CNOT6L: variants seen among roughly 807,000 people sequenced by gnomAD.
The protein encoded by CNOT6L is CCR4-NOT transcription complex subunit 6 like.
CNOT6L carries 7 observed loss-of-function variants against 64.0 expected under a neutral mutation model. That is an observed-to-expected ratio of 0.11 (90% CI 0.06 to 0.21). The LOEUF is 0.21. CNOT6L is among the 10% of genes least tolerant of loss of function. The pLI, the probability that CNOT6L is intolerant of heterozygous loss-of-function variation, is 1.00. For missense variants in CNOT6L, 245 were observed against 669.0 expected (o/e 0.37, Z 6.99); for synonymous variants, 193 against 243.4 (o/e 0.79, Z 1.93).
chr4:77,788,293 C>A (rs955709428), intron 1 of CNOT6L, among the ~76,000 whole-genome samples: 6 of 152,086 alleles, frequency 3.9e-5, no homozygotes, highest in African/African-American at 1.4e-4. Flanking sequence ...AAAATTCAAA[C>A]CTCCTGTACA....
chr4:77,801,023 T>C (rs575154116), intron 1 of CNOT6L, among the ~76,000 whole-genome samples: 1 of 152,318 alleles, frequency 6.6e-6, no homozygotes, highest in South Asian at 2.1e-4. Flanking sequence ...GGTGGTGCTT[T>C]GTATTGAGCA....
chr4:77,726,094 A>G, intron 11 of CNOT6L, 73 bp downstream of exon 11: 2 of 1,315,562 alleles, frequency 1.5e-6, no homozygotes, highest in South Asian at 2.4e-5. Flanking sequence ...TTAATCATAA[A>G]GAATTTACAC....
At chr4:77,787,977 A>C (rs1226846947) in intron 1 of CNOT6L, among the ~76,000 whole-genome samples, 1 of 152,222 alleles carries the variant, frequency 6.6e-6, no homozygotes, top group Non-Finnish European at 1.5e-5. Flanking sequence ...TTGTCTTTAA[A>C]GTTTGAAAAC....
In CNOT6L at chr4:77,715,545, A is replaced by G. The variant is rs1720653881; in HGVS notation, c.*4886T>C. The G allele has an allele frequency of 6.6e-6, 1 of 152,162 alleles. No homozygotes were observed. Among genetic ancestry groups the G allele is most frequent in the Non-Finnish European group, 1.5e-5 (1 of 68,010 alleles). 9.4% of individuals were successfully genotyped at this position (152,162 alleles called of 1,614,324 possible). ...AAATGTATGCCACAAGGAACTGCCA[A>G]CTGGGTTAAAGCTTGGTATTTTCCT... On this transcript the variant is annotated 3_prime_UTR_variant, in exon 12 of 12. Transcript: ENST00000504123.
At chr4:77,741,368 G>A (rs1017297745) in intron 8 of CNOT6L, among the ~76,000 whole-genome samples, 4 of 152,082 alleles carry the variant, frequency 2.6e-5, no homozygotes, top group Non-Finnish European at 4.4e-5. Context: ...GGAAATACTG[G>A]AAAACAGCTG....
intron 6 of CNOT6L, among the ~76,000 whole-genome samples, chr4:77,745,210 C>T (rs1724056473): frequency 6.6e-6 from 1 of 152,112 alleles, no homozygotes; most frequent in Admixed American, 6.5e-5. Context: ...CAAAAGTAAA[C>T]TGTAGTTGCA....
chr4:77,747,189 G>T (rs1359871928), intron 6 of CNOT6L, among the ~76,000 whole-genome samples: 6 of 151,932 alleles, frequency 3.9e-5, no homozygotes, highest in Non-Finnish European at 7.4e-5. Context: ...TTGAGACAGG[G>T]TCTTGCTCTG....
At chr4:77,744,629 A>C (rs1398472134) in intron 7 of CNOT6L, 89 bp downstream of exon 7, 14 of 1,155,058 alleles carry the variant, frequency 1.2e-5, no homozygotes, top group Non-Finnish European at 1.6e-5. Flanking sequence ...CTTTGGCTCT[A>C]AACACAGGAT....
intron 8 of CNOT6L, among the ~76,000 whole-genome samples, chr4:77,735,235 G>A (rs562635594): frequency 4.6e-5 from 7 of 152,122 alleles, no homozygotes; most frequent in Non-Finnish European, 7.4e-5. Flanking sequence ...ACTTTTCTCC[G>A]TATGTCCAAT....
upstream of CNOT6L, among the ~76,000 whole-genome samples, chr4:77,820,167 G>A (rs1427094358): frequency 1.3e-5 from 2 of 152,096 alleles, no homozygotes; most frequent in East Asian, 3.9e-4. Context: ...CCCGAGGGCC[G>A]GGGGAGAGGC....
intron 1 of CNOT6L, among the ~76,000 whole-genome samples, chr4:77,814,053 T>G (rs1733283986): frequency 6.6e-6 from 1 of 152,178 alleles, no homozygotes; most frequent in Non-Finnish European, 1.5e-5. Flanking sequence ...TATTCAGCCA[T>G]TACAAGAATG....
chr4:77,801,301 T>C (rs1560434666), intron 1 of CNOT6L, among the ~76,000 whole-genome samples: 2 of 152,182 alleles, frequency 1.3e-5, no homozygotes, highest in Non-Finnish European at 2.9e-5. Context: ...ATAGATACTC[T>C]GCAAAAGCAA....
intron 1 of CNOT6L, among the ~76,000 whole-genome samples, chr4:77,798,243 G>A (rs1299320039): frequency 1.3e-5 from 2 of 152,110 alleles, no homozygotes; most frequent in African/African-American, 2.4e-5. Context: ...TGAGCCCAGA[G>A]GCTGCAGTGA....
Position 77,718,153 on chromosome 4 carries a change from A to C in CNOT6L, c.*2278T>G, listed in dbSNP as rs187438007. Reference sequence around the variant, plus strand: ...GAACTTTAAATTCCATTTTATACAAACATCTCAAAAAATATTGGGAGTGAA... The same window carrying C: ...GAACTTTAAATTCCATTTTATACAACCATCTCAAAAAATATTGGGAGTGAA... On this transcript the variant is annotated 3_prime_UTR_variant, in exon 12 of 12. Transcript: ENST00000504123. 1 of 152,620 alleles carries C rather than the reference A, an allele frequency of 6.6e-6. No homozygotes were observed. The highest frequency in any genetic ancestry group is 6.6e-5 in the Admixed American group (1 of 15,266). 9.5% of individuals were successfully genotyped at this position (152,620 alleles called of 1,614,324 possible). A position where few individuals can be genotyped will look rare whatever the true frequency, so the allele number is the denominator to read the frequency against.
At chr4:77,757,336 C>G (rs1725681013) in intron 4 of CNOT6L, among the ~76,000 whole-genome samples, 1 of 151,976 alleles carries the variant, frequency 6.6e-6, no homozygotes. Flanking sequence ...TGAGTGATAT[C>G]TTAAAAAAGA....
chr4:77,729,321 C>G (rs1722188034), intron 9 of CNOT6L, among the ~76,000 whole-genome samples: 1 of 152,194 alleles, frequency 6.6e-6, no homozygotes, highest in African/African-American at 2.4e-5. Context: ...TGGGCTAAAT[C>G]TGGCCCACAA....
chr4:77,817,171 C>A (rs777316805), intron 1 of CNOT6L, among the ~76,000 whole-genome samples: 4 of 150,344 alleles, frequency 2.7e-5, no homozygotes, highest in Non-Finnish European at 4.4e-5. Flanking sequence ...GGCTACAAAA[C>A]GAAAATCATA....
At chr4:77,762,614 G>T (rs995661318) in intron 4 of CNOT6L, among the ~76,000 whole-genome samples, 3 of 152,058 alleles carry the variant, frequency 2.0e-5, no homozygotes, top group Non-Finnish European at 4.4e-5. Flanking sequence ...AAACAAATTT[G>T]CCTTCATTTC....
At chr4:77,744,047 G>A (rs1027350665) in intron 7 of CNOT6L, among the ~76,000 whole-genome samples, 4 of 151,994 alleles carry the variant, frequency 2.6e-5, no homozygotes, top group African/African-American at 9.7e-5. Context: ...ACAATTATTT[G>A]TCAATTAAAA....
Sources: allele counts gnomAD v4.1 joint callset (sites outside exome capture counted in the v4.1 genomes callset), GRCh38; gene constraint gnomAD v4.1.1; transcripts MANE v1.5; gene names NCBI Gene and HGNC (gene_info 2026-07-23, HGNC 2026-07-21).